Variants in PLPP1 observed in about 807,000 individuals in gnomAD.
The protein encoded by PLPP1 is phospholipid phosphatase 1, also known as lipid phosphate phosphohydrolase 1a.
A neutral mutation model predicts 31.2 loss-of-function variants in PLPP1; 24 were observed. The ratio of observed to expected loss-of-function variants is 0.77; its 90% CI spans 0.56 to 1.08. PLPP1 has a LOEUF of 1.08. Among genes scored for constraint, PLPP1 ranks in the 50% least tolerant of loss-of-function variants. The probability of loss-of-function intolerance (pLI) is 0.00; values close to 1 mark genes in which losing one functional copy is unlikely to be tolerated. For missense variants in PLPP1, 319 were observed against 342.7 expected (o/e 0.93, Z 0.55); for synonymous variants, 146 against 126.3 (o/e 1.16, Z -1.05).
chr5:55,443,192 A>AAAAAAAAAAAAAAAAAATATAT, intron 3 of PLPP1, among the ~76,000 whole-genome samples: 4 of 25,440 alleles, frequency 1.6e-4, no homozygotes, highest in African/African-American at 2.2e-4. Flanking sequence ...AAAAAAAAAA[A>AAAAAAAAAAAAAAAAAATATAT]ATATATATAT....
intron 1 of PLPP1, among the ~76,000 whole-genome samples, chr5:55,489,498 A>T (rs761989359): frequency 2.6e-5 from 4 of 152,140 alleles, no homozygotes; most frequent in Admixed American, 6.6e-5. Context: ...TAAATGCTAG[A>T]TTTTTCTCAT....
chr5:55,489,889 C>A (rs1457480237), intron 1 of PLPP1, among the ~76,000 whole-genome samples: 2 of 152,046 alleles, frequency 1.3e-5, no homozygotes, highest in Non-Finnish European at 2.9e-5. Context: ...CCAAGACACT[C>A]AAGGAGGTAA....
intron 1 of PLPP1, among the ~76,000 whole-genome samples, chr5:55,519,704 C>T (rs369818909): frequency 5.3e-5 from 8 of 150,594 alleles, no homozygotes; most frequent in Non-Finnish European, 7.4e-5. Flanking sequence ...GAGCCAAGAT[C>T]GCGCCATTGC....
intron 1 of PLPP1, among the ~76,000 whole-genome samples, chr5:55,528,491 C>T (rs1414915744): frequency 6.6e-6 from 1 of 152,186 alleles, no homozygotes; most frequent in Non-Finnish European, 1.5e-5. Context: ...TAACATGGTA[C>T]TGGCCACGAA....
At chr5:55,508,287 C>A (rs1753328038) in intron 1 of PLPP1, among the ~76,000 whole-genome samples, 1 of 152,192 alleles carries the variant, frequency 6.6e-6, no homozygotes, top group Admixed American at 6.5e-5. Flanking sequence ...TTCTCTTTGG[C>A]CCTGATGGAA....
chr5:55,487,591 T>C (rs1752800787), intron 1 of PLPP1, among the ~76,000 whole-genome samples: 1 of 152,144 alleles, frequency 6.6e-6, no homozygotes, highest in Admixed American at 6.5e-5. Flanking sequence ...CTTTAAAATA[T>C]AGATTTTCTA....
chr5:55,471,262 C>T (rs959742724), intron 2 of PLPP1, among the ~76,000 whole-genome samples: 1 of 149,888 alleles, frequency 6.7e-6, no homozygotes, highest in South Asian at 2.1e-4. Flanking sequence ...AGTGCAGCGG[C>T]GTGATCTCGG....
intron 1 of PLPP1, among the ~76,000 whole-genome samples, chr5:55,533,955 A>T (rs1332126905): frequency 6.6e-6 from 1 of 152,098 alleles, no homozygotes; most frequent in African/African-American, 2.4e-5. Context: ...AAGCTACACC[A>T]TGGCAAGGTC....
intron 3 of PLPP1, among the ~76,000 whole-genome samples, chr5:55,456,523 A>T (rs879105837): frequency 2.0e-5 from 3 of 152,216 alleles, no homozygotes; most frequent in African/African-American, 7.2e-5. Context: ...GAGATACATA[A>T]GTTAAAAGAG....
At chr5:55,450,454 C>A (rs1175545623) in intron 3 of PLPP1, among the ~76,000 whole-genome samples, 1 of 152,082 alleles carries the variant, frequency 6.6e-6, no homozygotes, top group Non-Finnish European at 1.5e-5. Flanking sequence ...TAGGAGGTTG[C>A]TGAGAATCTT....
chr5:55,489,841 G>A (rs1752849878), intron 1 of PLPP1, among the ~76,000 whole-genome samples: 2 of 152,166 alleles, frequency 1.3e-5, no homozygotes, highest in African/African-American at 4.8e-5. Flanking sequence ...AACAAGACAG[G>A]TGGCCAGAGG....
chr5:55,436,678 T>A (rs1351078094), intron 4 of PLPP1, among the ~76,000 whole-genome samples: 1 of 152,198 alleles, frequency 6.6e-6, no homozygotes, highest in Non-Finnish European at 1.5e-5. Flanking sequence ...AACGGAAGAC[T>A]CTTCATTACA....
rs1480892948 is a variant in PLPP1 at position 55,511,465 on chromosome 5, A to G, written c.58+23107T>C. Among the ~76,000 whole-genome samples the G allele has an allele frequency of 7.2e-5, 11 of 152,114 alleles. 1 individual carries two copies. Among genetic ancestry groups the G allele is most frequent in the Admixed American group, 7.2e-4 (11 of 15,266 alleles). On this transcript the variant is annotated intron_variant, in intron 1 of 5. Coordinates refer to ENST00000307259, the MANE Select transcript of PLPP1 (RefSeq NM_003711.4). Reference sequence around the variant, plus strand: ...ATATGTATACATGCAGTAATATCACAAGTTTTTTTTTCTTTTAAAGCATGG... The same window carrying G: ...ATATGTATACATGCAGTAATATCACGAGTTTTTTTTTCTTTTAAAGCATGG...
At chr5:55,451,478 T>C (rs1751889694) in intron 3 of PLPP1, among the ~76,000 whole-genome samples, 1 of 152,004 alleles carries the variant, frequency 6.6e-6, no homozygotes. Context: ...TCCTTTAAGA[T>C]TAAAACCAGA....
At chr5:55,455,751 A>G (rs1342137721) in intron 3 of PLPP1, among the ~76,000 whole-genome samples, 1 of 152,222 alleles carries the variant, frequency 6.6e-6, no homozygotes, top group East Asian at 1.9e-4. Flanking sequence ...CAGGTAATCT[A>G]AAGTAGTAGT....
intron 3 of PLPP1, among the ~76,000 whole-genome samples, chr5:55,455,660 T>C (rs1466831608): frequency 6.6e-6 from 1 of 152,212 alleles, no homozygotes; most frequent in East Asian, 1.9e-4. Context: ...TAGCTGTGTA[T>C]GCCCTTAAAT....
chr5:55,425,781 G>C, intron 5 of PLPP1, 82 bp downstream of exon 5: 1 of 1,215,718 alleles, frequency 8.2e-7, no homozygotes, highest in Non-Finnish European at 1.1e-6. Context: ...CTCAGCTGGG[G>C]ATTTTTTGGA....
intron 3 of PLPP1, among the ~76,000 whole-genome samples, chr5:55,451,555 C>A (rs1196394754): frequency 4.0e-5 from 6 of 149,118 alleles, no homozygotes; most frequent in Non-Finnish European, 8.9e-5. Context: ...CTTAGAGAAA[C>A]CTTTTTTTTT....
intron 3 of PLPP1, among the ~76,000 whole-genome samples, chr5:55,453,261 T>C (rs1268161344): frequency 1.3e-5 from 2 of 152,200 alleles, no homozygotes; most frequent in Non-Finnish European, 2.9e-5. Flanking sequence ...ATATACTTTA[T>C]CATGTAATTA....
Sources: allele counts gnomAD v4.1 joint callset (sites outside exome capture counted in the v4.1 genomes callset), GRCh38; gene constraint gnomAD v4.1.1; transcripts MANE v1.5; gene names NCBI Gene and HGNC (gene_info 2026-07-23, HGNC 2026-07-21).